Variants in FUT6 observed in about 807,000 individuals in gnomAD.
FUT6 encodes the protein fucosyltransferase 6.
For synonymous variants in FUT6, 187 were observed against 209.9 expected (o/e 0.89, Z 0.94); for missense variants, 454 against 494.6 (o/e 0.92, Z 0.78).
rs61147939 is a variant in FUT6, at chr19:5,831,661, G to C, written c.907C>G (p.Arg303Gly). ...DDFQSPKDLA[R>G]YLQELDKDHA... Reference sequence around the variant, plus strand: ...TCCTTGTCCAGCTCCTGCAGGTACCGGGCCAGGTCCTTGGGGCTCTGGAAG... The same window carrying C: ...TCCTTGTCCAGCTCCTGCAGGTACCCGGCCAGGTCCTTGGGGCTCTGGAAG... The change falls in exon 3 of 3, where the codon CGG becomes GGG. Residue 303 changes from arginine (R) to glycine (G), a missense_variant. Transcript: ENST00000318336. This position sits in a 1 kb window ranked among gnomAD's most constrained non-coding sequence, Gnocchi z 7.0. The C allele has an allele frequency of 0.098, 158,606 of 1,612,286 alleles. 13,495 individuals carry two copies. The highest frequency in any genetic ancestry group is 0.47 in the East Asian group (20,997 of 44,750).
In FUT6 at chr19:5,832,335, G is replaced by A. The variant is rs200341405; in HGVS notation, c.233C>T (p.Pro78Leu). The A allele has an allele frequency of 1.2e-6, 2 of 1,614,056 alleles. No individual in the cohort carries two copies. The highest frequency in any genetic ancestry group is 1.7e-6 in the Non-Finnish European group (2 of 1,180,014). ...TWPFNKPIALPRCSEMVPGTA... is the reference protein window; with the variant it reads ...TWPFNKPIALLRCSEMVPGTA... ...GCCAGGCACCATCTCTGAGCAGCGG[G>A]GCAGAGCTATGGGTTTGTTAAAAGG... The change falls in exon 3 of 3, where the codon CCC becomes CTC. Residue 78 changes from proline to leucine, a missense_variant. Physicochemically the swap from Pro to Leu is moderately conservative, Grantham distance 98. Transcript: ENST00000318336. This position sits in a 1 kb window ranked among gnomAD's most constrained non-coding sequence, Gnocchi z 4.3.
At position 5,831,119 on chromosome 19, in the gene FUT6, G is replaced by A; in HGVS notation, c.*369C>T. The A allele has an allele frequency of 1.7e-6, 1 of 599,704 alleles. No homozygotes were observed. Among genetic ancestry groups the A allele is most frequent in the Non-Finnish European group, 3.0e-6 (1 of 338,160 alleles). 37.1% of individuals were successfully genotyped at this position (599,704 alleles called of 1,614,324 possible). A position where few individuals can be genotyped will look rare whatever the true frequency, so the allele number is the denominator to read the frequency against. ...TAGCAGGTGAGATTCAGTGTGGAAG[G>A]TCTCTGGGAGCAGGTCCCAGCAGGT... is the stretch of plus-strand genomic sequence containing the variant. On this transcript the variant is annotated 3_prime_UTR_variant, in exon 3 of 3. Transcript: ENST00000318336. The surrounding 1 kb of genome is among the most constrained non-coding windows in gnomAD (Gnocchi z 7.0).
chr19:5,836,750 C>G (rs1488751624), intron 1 of FUT6, among the ~76,000 whole-genome samples: 1 of 152,082 alleles, frequency 6.6e-6, no homozygotes, highest in Non-Finnish European at 1.5e-5. Context: ...GATGCTGAGG[C>G]AGGAGGATTT....
At position 5,832,240 on chromosome 19, in the gene FUT6, G is replaced by C. The variant is rs192615441; in HGVS notation, c.328C>G (p.Arg110Gly). 1.9e-6 allele frequency: 3 copies of C among 1,613,986 alleles called. No individual in the cohort carries two copies. Among genetic ancestry groups the C allele is most frequent in the East Asian group, 2.2e-5 (1 of 44,872 alleles). The change falls in exon 3 of 3, where the codon CGA (arginine) becomes GGA (glycine). Residue 110 changes from arginine (R) to glycine (G), a missense_variant. Transcript: ENST00000318336. This position sits in a 1 kb window ranked among gnomAD's most constrained non-coding sequence, Gnocchi z 4.3. ...PQADAVIVHH[R>G]EVMYNPSAQL... ...GCACTGGGGTTGTACATGACCTCTC[G>C]GTGGTGCACGATGACCGCGTCTGCC...
rs1168766474 is a variant in FUT6, at chr19:5,832,261, C to T, written c.307G>A (p.Asp103Asn). ...TADRKVYPQA[D>N]AVIVHHREVM... ...TCTCGGTGGTGCACGATGACCGCGT[C>T]TGCCTGTGGATACACCTTGCGGTCG... Residue 103 changes from aspartate (D) to asparagine (N), a missense_variant, in exon 3 of 3, where the codon GAC (aspartate) becomes AAC (asparagine). Asp to Asn is a conservative substitution (Grantham distance 23). Coordinates refer to ENST00000318336, the MANE Select transcript of FUT6 (RefSeq NM_000150.4). The surrounding 1 kb of genome is among the most constrained non-coding windows in gnomAD (Gnocchi z 4.3). 6.2e-7 allele frequency: 1 copy of T among 1,607,764 alleles called. No individual in the cohort carries two copies. Among genetic ancestry groups the T allele is most frequent in the Admixed American group, 1.7e-5 (1 of 59,412 alleles).
rs1289945849 is a variant in FUT6, at chr19:5,838,866, G to A, written c.-330C>T. The A allele has an allele frequency of 6.6e-6, 1 of 152,286 alleles. No individual in the cohort carries two copies. The highest frequency in any genetic ancestry group is 2.4e-5 in the African/African-American group (1 of 41,452). 9.4% of individuals were successfully genotyped at this position (152,286 alleles called of 1,614,324 possible). On this transcript the variant is annotated 5_prime_UTR_variant, in exon 1 of 3. Coordinates refer to ENST00000318336, the MANE Select transcript of FUT6 (RefSeq NM_000150.4). ...GTGACCCAGGGCATCCTGTCCTGGA[G>A]CCCGGACATCCTTTGAAAACAAATC...
At chr19:5,834,111 G>A (rs892253160) in intron 2 of FUT6, among the ~76,000 whole-genome samples, 2 of 151,220 alleles carry the variant, frequency 1.3e-5, no homozygotes, top group Non-Finnish European at 2.9e-5. Context: ...CAACCTGGGT[G>A]ACAGAGCGAG....
rs562012318 is a variant in FUT6 at position 5,831,147 on chromosome 19, AGTCCCCAACAGCCGAG to A, written c.*325_*340del. ...TCTGGGAGCAGGTCCCAGCAGGTAA[AGTCCCCAACAGCCGAG>A]GTCCCCAGTAGGCAAAGTCCCCAGG... On this transcript the variant is annotated 3_prime_UTR_variant, in exon 3 of 3. Coordinates refer to ENST00000318336, the MANE Select transcript of FUT6 (RefSeq NM_000150.4). The surrounding 1 kb of genome is among the most constrained non-coding windows in gnomAD (Gnocchi z 7.0). 1,774 of 621,520 alleles carry A rather than the reference AGTCCCCAACAGCCGAG, an allele frequency of 2.9e-3. 30 individuals are homozygous for A. The highest frequency in any genetic ancestry group is 0.027 in the South Asian group (1,456 of 53,130). The allele number at this position is 621,520 out of a possible 1,614,324, so 38.5% of individuals were successfully genotyped here. A position where few individuals can be genotyped will look rare whatever the true frequency, so the allele number is the denominator to read the frequency against.
chr19:5,832,178 T>C lies in FUT6; in HGVS notation c.390A>G (p.Arg130=). The C allele has an allele frequency of 6.2e-7, 1 of 1,613,710 alleles. No individual in the cohort carries two copies. Among genetic ancestry groups the C allele is most frequent in the Middle Eastern group, 1.6e-4 (1 of 6,062 alleles). Residue 130 remains arginine, a synonymous_variant, in exon 3 of 3, where the codon CGA becomes CGG. Transcript: ENST00000318336. The surrounding 1 kb of genome is among the most constrained non-coding windows in gnomAD (Gnocchi z 4.3). The part of the protein sequence containing the change: ...LPRSPRRQGQ[R]WIWFSMESPS... The stretch of plus-strand genomic sequence containing the variant: ...GGGACTCCATGCTGAACCAGATCCA[T>C]CGCTGCCCCTGCCGCCTCGGGGAGC...
intron 2 of FUT6, among the ~76,000 whole-genome samples, chr19:5,833,297 T>C (rs915264360): frequency 1.1e-4 from 16 of 152,094 alleles, no homozygotes; most frequent in African/African-American, 3.6e-4. Context: ...GAGACCAGCC[T>C]GGCCAACGTG....
In FUT6 at chr19:5,832,018, T is replaced by C. The variant is rs945654071; in HGVS notation, c.550A>G (p.Asn184Asp). The change falls in exon 3 of 3, where the codon AAC (asparagine) becomes GAC (aspartate). Residue 184 changes from asparagine (N) to aspartate (D), a missense_variant. Asn to Asp is a conservative substitution (Grantham distance 23). Transcript: ENST00000318336. This position sits in a 1 kb window ranked among gnomAD's most constrained non-coding sequence, Gnocchi z 4.3. The part of the protein sequence containing the change: ...WSGQPAHPPL[N>D]LSAKTELVAW... ...ACCAGCTCGGTCTTGGCCGAGAGGT[T>C]GAGCGGTGGGTGGGCAGGCTGGCCG... The C allele has an allele frequency of 1.2e-6, 2 of 1,613,786 alleles. No homozygotes were observed. The highest frequency in any genetic ancestry group is 1.7e-6 in the Non-Finnish European group (2 of 1,180,002).
intron 1 of FUT6, among the ~76,000 whole-genome samples, chr19:5,837,523 G>A (rs557737917): frequency 1.2e-3 from 175 of 151,938 alleles, no homozygotes; most frequent in African/African-American, 3.6e-3. Context: ...CCAGCACTTT[G>A]AGAGGTGGAG....
intron 1 of FUT6, among the ~76,000 whole-genome samples, chr19:5,837,535 C>T (rs577783474): frequency 1.3e-5 from 2 of 151,808 alleles, no homozygotes; most frequent in South Asian, 2.1e-4. Flanking sequence ...GAGGTGGAGG[C>T]GGGCGAATCA....
rs2057125834 is a variant in FUT6, at chr19:5,832,833, AGAGGCCCCAAGG to A, written c.-12-266_-12-255del. 1 of 527,622 alleles carries A rather than the reference AGAGGCCCCAAGG, an allele frequency of 1.9e-6. No individual in the cohort carries two copies. The highest frequency in any genetic ancestry group is 1.9e-5 in the African/African-American group (1 of 52,440). The allele number at this position is 527,622 out of a possible 1,614,324, so 32.7% of individuals were successfully genotyped here. On this transcript the variant is annotated intron_variant, in intron 2 of 2. Coordinates refer to ENST00000318336, the MANE Select transcript of FUT6 (RefSeq NM_000150.4). This position sits in a 1 kb window ranked among gnomAD's most constrained non-coding sequence, Gnocchi z 4.3. ...GGCAAGGGTCCCTGGGGAAGTTGGG[AGAGGCCCCAAGG>A]GCCCTCAGGTCCCACCTTGATCCTG...
In FUT6 at chr19:5,832,245, T is replaced by C. The variant is rs766563177; in HGVS notation, c.323A>G (p.His108Arg). 18 of 1,612,340 alleles carry C rather than the reference T, an allele frequency of 1.1e-5. 1 individual carries two copies. The highest frequency in any genetic ancestry group is 1.4e-5 in the Non-Finnish European group (16 of 1,179,570). ...GGGGTTGTACATGACCTCTCGGTGG[T>C]GCACGATGACCGCGTCTGCCTGTGG... ...VYPQADAVIV[H>R]HREVMYNPSA... The change falls in exon 3 of 3, where the codon CAC (histidine) becomes CGC (arginine). Residue 108 changes from histidine to arginine, a missense_variant. By Grantham distance (29) the His-to-Arg change is conservative. Transcript: ENST00000318336. The surrounding 1 kb of genome is among the most constrained non-coding windows in gnomAD (Gnocchi z 4.3).
chr19:5,832,122 T>A lies in FUT6; in HGVS notation c.446A>T (p.Asp149Val), dbSNP rs758372179. ...GGACATGGTGAGATTGAAGTATCCGTCCATGGCTTTCAGCTGCCAGCAGTG... is the reference window on the plus strand; with the variant it reads ...GGACATGGTGAGATTGAAGTATCCGACCATGGCTTTCAGCTGCCAGCAGTG... ...PSHCWQLKAM[D>V]GYFNLTMSYR... The change falls in exon 3 of 3, where the codon GAC becomes GTC. Residue 149 changes from aspartate (D) to valine (V), a missense_variant. Physicochemically the swap from Asp to Val is radical, Grantham distance 152. Coordinates refer to ENST00000318336, the MANE Select transcript of FUT6 (RefSeq NM_000150.4). The surrounding 1 kb of genome is among the most constrained non-coding windows in gnomAD (Gnocchi z 4.3). 1.2e-6 allele frequency: 2 copies of A among 1,613,832 alleles called. No individual in the cohort carries two copies. Among genetic ancestry groups the A allele is most frequent in the South Asian group, 1.1e-5 (1 of 91,076 alleles).
intron 1 of FUT6, among the ~76,000 whole-genome samples, chr19:5,836,887 A>C (rs768483127): frequency 1.8e-4 from 27 of 152,192 alleles, no homozygotes; most frequent in Non-Finnish European, 3.7e-4. Context: ...ATAAAAACAC[A>C]GAAAACAAAA....
chr19:5,831,375 T>C lies in FUT6; in HGVS notation c.*113A>G, dbSNP rs2057087982. 2.5e-6 allele frequency: 4 copies of C among 1,609,282 alleles called. No homozygotes were observed. The highest frequency in any genetic ancestry group is 2.2e-5 in the South Asian group (2 of 91,042). ...CAGGTGACCGTCCCAGGCAGGTGAG[T>C]CCTCAGGCAGGTGAAGCTTCAGGCA... On this transcript the variant is annotated 3_prime_UTR_variant, in exon 3 of 3. Coordinates refer to ENST00000318336, the MANE Select transcript of FUT6 (RefSeq NM_000150.4). This position sits in a 1 kb window ranked among gnomAD's most constrained non-coding sequence, Gnocchi z 7.0.
At chr19:5,837,017 C>A (rs1404543966) in intron 1 of FUT6, among the ~76,000 whole-genome samples, 1 of 152,026 alleles carries the variant, frequency 6.6e-6, no homozygotes. Flanking sequence ...GGCAAATCTA[C>A]TTCTTCACCT....
Sources: allele counts gnomAD v4.1 joint callset (sites outside exome capture counted in the v4.1 genomes callset), GRCh38; gene constraint gnomAD v4.1.1; non-coding constraint Gnocchi (gnomAD v3.1); transcripts MANE v1.5; gene names NCBI Gene and HGNC (gene_info 2026-07-23, HGNC 2026-07-21).